The following GRM7 variants were observed in gnomAD, a reference collection of about 807,000 sequenced individuals.
GRM7 encodes metabotropic glutamate receptor 7.
In GRM7, 35 loss-of-function variants were observed where a neutral mutation model predicts 84.5. The observed-to-expected ratio is 0.41, with a 90% CI of 0.32 to 0.55. The LOEUF is 0.55. Ranked by LOEUF, GRM7 falls within the 20% of genes least tolerant of loss-of-function variation. The probability of loss-of-function intolerance (pLI) is 0.19; values close to 1 mark genes in which losing one functional copy is unlikely to be tolerated. For missense variants in GRM7, 1,003 were observed against 1,194.6 expected, an observed-to-expected ratio of 0.84 and a Z score of 2.36; for synonymous variants, 487 against 455.1, an observed-to-expected ratio of 1.07 and a Z score of -0.89.
At chr3:7,522,563 C>T (rs1252103721) in intron 7 of GRM7, among the ~76,000 whole-genome samples, 1 of 152,130 alleles carries the variant, frequency 6.6e-6, no homozygotes, top group Non-Finnish European at 1.5e-5. Flanking sequence ...TACTTGGCAG[C>T]CAGAAAATTT....
intron 1 of GRM7, among the ~76,000 whole-genome samples, chr3:7,026,035 G>A (rs1280183278): frequency 6.6e-6 from 1 of 152,176 alleles, no homozygotes; most frequent in Non-Finnish European, 1.5e-5. Context: ...TGACTCAATT[G>A]CAGCTTCTTA....
At position 7,130,453 on chromosome 3, in the gene GRM7, G is replaced by T. The variant is rs907440368; in HGVS notation, c.520-15999G>T. Among the ~76,000 whole-genome samples, 25 of 151,944 alleles carry T rather than the reference G, an allele frequency of 1.6e-4. No individual in the cohort carries two copies. The East Asian group carries it at 3.7e-3, about 22-fold the overall frequency. ...AGGTACTTGAGAGGCTGAGGCAGGAGAGTCATGTAAACCCGGGAGGTGGAG... is the reference window on the plus strand; with the variant it reads ...AGGTACTTGAGAGGCTGAGGCAGGATAGTCATGTAAACCCGGGAGGTGGAG... On this transcript the variant is annotated intron_variant, in intron 1 of 9. Transcript: ENST00000357716.
intron 4 of GRM7, among the ~76,000 whole-genome samples, chr3:7,320,600 C>A (rs1443028940): frequency 6.6e-6 from 1 of 151,368 alleles, no homozygotes; most frequent in East Asian, 2.0e-4. Context: ...AGAGAGTAAC[C>A]TTCCTGCTTC....
intron 1 of GRM7, among the ~76,000 whole-genome samples, chr3:7,100,753 A>T (rs1699082951): frequency 6.6e-6 from 1 of 151,796 alleles, no homozygotes; most frequent in Non-Finnish European, 1.5e-5. Context: ...AATTATTTCC[A>T]TCTACACAAA....
In GRM7 at chr3:6,927,469, GAA is replaced by G. The variant is rs1559333309; in HGVS notation, c.519+65564_519+65565del. Reference sequence around the variant, plus strand: ...GAGAAGAAAGAAAGAGAGAGAGAAAGAAAGAAAGAAAGAAAGAAAGAAAGAAA... The same window carrying G: ...GAGAAGAAAGAAAGAGAGAGAGAAAGAGAAAGAAAGAAAGAAAGAAAGAAA... On this transcript the variant is annotated intron_variant, in intron 1 of 9. Coordinates refer to ENST00000357716, the MANE Select transcript of GRM7 (RefSeq NM_000844.4). Among the ~76,000 whole-genome samples the G allele has an allele frequency of 1.6e-3, 116 of 70,654 alleles. 2 individuals are homozygous for G. The highest frequency in any genetic ancestry group is 2.9e-3 in the South Asian group (6 of 2,102). 46.4% of individuals were successfully genotyped at this position (70,654 alleles called of 152,430 possible).
intron 1 of GRM7, among the ~76,000 whole-genome samples, chr3:6,876,190 C>T (rs464912): frequency 0.3 from 44,974 of 151,758 alleles, 7,121 homozygotes; most frequent in South Asian, 0.45. Context: ...ATCGCTTGAA[C>T]CCGGGAGGCA....
chr3:6,995,688 A>G (rs931020741), intron 1 of GRM7, among the ~76,000 whole-genome samples: 2 of 152,202 alleles, frequency 1.3e-5, no homozygotes, highest in African/African-American at 4.8e-5. Flanking sequence ...TGGAACAGCT[A>G]TTTTTAAAGC....
At chr3:7,639,315 C>A (rs767997733) in intron 8 of GRM7, among the ~76,000 whole-genome samples, 12 of 152,202 alleles carry the variant, frequency 7.9e-5, no homozygotes, top group Non-Finnish European at 1.6e-4. Context: ...CATGCGCAGC[C>A]GCAAGCACAC....
At chr3:7,514,533 T>G (rs1411979605) in intron 7 of GRM7, among the ~76,000 whole-genome samples, 1 of 152,198 alleles carries the variant, frequency 6.6e-6, no homozygotes, top group African/African-American at 2.4e-5. Context: ...AATGCCCATG[T>G]GGAATGTTTC....
In GRM7 at chr3:7,120,259, T is replaced by C. The variant is rs577460876; in HGVS notation, c.520-26193T>C. 1.9e-3 allele frequency among the ~76,000 whole-genome samples: 285 copies of C among 152,146 alleles called. 1 individual carries two copies. Among genetic ancestry groups the C allele is most frequent in the Non-Finnish European group, 3.5e-3 (235 of 67,964 alleles). ...TCAAGAACGGGAAAAGAGAGATGTATAGGAGACTAAAGTTTGTCACATCTA... is the reference window on the plus strand; with the variant it reads ...TCAAGAACGGGAAAAGAGAGATGTACAGGAGACTAAAGTTTGTCACATCTA... On this transcript the variant is annotated intron_variant, in intron 1 of 9. Coordinates refer to ENST00000357716, the MANE Select transcript of GRM7 (RefSeq NM_000844.4).
chr3:7,648,368 C>T (rs545478279), intron 8 of GRM7, among the ~76,000 whole-genome samples: 13 of 151,838 alleles, frequency 8.6e-5, no homozygotes, highest in South Asian at 2.1e-4. Context: ...GGATCAAGGC[C>T]GGGTGCAGTG....
rs543558673 is a variant in GRM7, at chr3:6,901,150, A to G, written c.519+39243A>G. 1.4e-4 allele frequency among the ~76,000 whole-genome samples: 22 copies of G among 152,330 alleles called. No homozygotes were observed. In the South Asian group the frequency reaches 2.9e-3, roughly 20 times the overall value. On this transcript the variant is annotated intron_variant, in intron 1 of 9. Coordinates refer to ENST00000357716, the MANE Select transcript of GRM7 (RefSeq NM_000844.4). ...CCAGGGGTGACAATGTAATTAAATA[A>G]GAGTTAATGACAGATGCCAAAATAT...
intron 7 of GRM7, among the ~76,000 whole-genome samples, chr3:7,481,756 A>G (rs1699137890): frequency 6.6e-6 from 1 of 152,206 alleles, no homozygotes; most frequent in Admixed American, 6.5e-5. Context: ...TGCCTATGTA[A>G]AGTTCTTAGC....
chr3:6,953,235 T>C (rs1198191475), intron 1 of GRM7, among the ~76,000 whole-genome samples: 9 of 152,212 alleles, frequency 5.9e-5, no homozygotes, highest in Admixed American at 5.9e-4. Context: ...TTGTTTTGAA[T>C]ACAGTTAGAA....
At chr3:7,479,278 A>T (rs1300970459) in intron 7 of GRM7, among the ~76,000 whole-genome samples, 2 of 152,068 alleles carry the variant, frequency 1.3e-5, no homozygotes, top group Non-Finnish European at 2.9e-5. Flanking sequence ...AAAAGCCTCA[A>T]AATGGTGGTG....
At chr3:7,678,851 C>A (rs140992650) in intron 8 of GRM7, among the ~76,000 whole-genome samples, 5 of 152,110 alleles carry the variant, frequency 3.3e-5, no homozygotes, top group Non-Finnish European at 7.3e-5. Context: ...TTTTGTATAG[C>A]GATAGGCTGT....
chr3:6,968,486 G>A (rs551704402), intron 1 of GRM7, among the ~76,000 whole-genome samples: 2 of 152,294 alleles, frequency 1.3e-5, no homozygotes, highest in East Asian at 1.9e-4. Flanking sequence ...TCTGGAAAAT[G>A]GGGATAATAA....
intron 7 of GRM7, among the ~76,000 whole-genome samples, chr3:7,550,639 T>G (rs1398791333): frequency 7.2e-6 from 1 of 139,674 alleles, no homozygotes; most frequent in Non-Finnish European, 1.5e-5. Flanking sequence ...TCCACCACAC[T>G]GAGGCCTCCT....
chr3:7,199,742 C>A (rs1023380783), intron 2 of GRM7, among the ~76,000 whole-genome samples: 1 of 152,168 alleles, frequency 6.6e-6, no homozygotes, highest in Admixed American at 6.5e-5. Flanking sequence ...GTTGAGGAAC[C>A]CTGACATAGA....
Sources: gnomAD v4.1 joint callset for allele counts (sites outside exome capture counted in the v4.1 genomes callset) on GRCh38, gnomAD v4.1.1 for gene constraint, MANE v1.5 for transcripts, NCBI Gene and HGNC (gene_info 2026-07-23, HGNC 2026-07-21) for gene names.